Variants in RBFOX1 observed in about 807,000 individuals in gnomAD.
RBFOX1 encodes the protein RNA binding protein fox-1 homolog 1.
A neutral mutation model predicts 57.7 loss-of-function variants in RBFOX1; 8 were observed. That is an observed-to-expected ratio of 0.14 (90% CI 0.08 to 0.25). The LOEUF (loss-of-function observed/expected upper bound fraction) is 0.25. Ranked by LOEUF, RBFOX1 falls within the 10% of genes least tolerant of loss-of-function variation. The pLI is 1.00. For synonymous variants in RBFOX1, 326 were observed against 222.4 expected (o/e 1.47, Z -4.15); for missense variants, 611 against 548.5 (o/e 1.11, Z -1.14).
rs1292675874 is a variant in RBFOX1, at chr16:7,712,215, T to C, written c.*1470T>C. 1 of 152,636 alleles carries C rather than the reference T, an allele frequency of 6.6e-6. No homozygotes were observed. Among genetic ancestry groups the C allele is most frequent in the African/African-American group, 2.4e-5 (1 of 41,442 alleles). The allele number at this position is 152,636 out of a possible 1,614,324, so 9.5% of individuals were successfully genotyped here. A position where few individuals can be genotyped will look rare whatever the true frequency, so the allele number is the denominator to read the frequency against. On this transcript the variant is annotated 3_prime_UTR_variant, in exon 16 of 16. Coordinates refer to ENST00000550418, the MANE Select transcript of RBFOX1 (RefSeq NM_018723.4). ...GGTATCCGTCACGGGTCTTCCTGTTTTGTATTTAAATAAAAACAACAGCAG... is the reference window on the plus strand; with the variant it reads ...GGTATCCGTCACGGGTCTTCCTGTTCTGTATTTAAATAAAAACAACAGCAG...
At chr16:7,224,933 T>C (rs1357711474) in intron 4 of RBFOX1, among the ~76,000 whole-genome samples, 3 of 152,174 alleles carry the variant, frequency 2.0e-5, no homozygotes, top group African/African-American at 7.2e-5. Flanking sequence ...CTAGTCACAG[T>C]GATGAGGAGG....
intron 1 of RBFOX1, among the ~76,000 whole-genome samples, chr16:5,379,965 G>T (rs578250128): frequency 2.6e-5 from 4 of 152,340 alleles, no homozygotes; most frequent in African/African-American, 4.8e-5. Flanking sequence ...TCCCGGGCAG[G>T]TGCCCTTGTT....
At chr16:6,203,843 T>G (rs1381215619) in intron 1 of RBFOX1, among the ~76,000 whole-genome samples, 1 of 152,148 alleles carries the variant, frequency 6.6e-6, no homozygotes, top group Admixed American at 6.5e-5. Context: ...GCAGTCTCAC[T>G]TCTGGGTCTG....
At chr16:6,644,765 T>A (rs1399336700) in intron 2 of RBFOX1, among the ~76,000 whole-genome samples, 1 of 152,196 alleles carries the variant, frequency 6.6e-6, no homozygotes, top group African/African-American at 2.4e-5. Context: ...CAGCAGCCTG[T>A]GATTGCCCTG....
At chr16:5,379,950 A>C (rs545062228) in intron 1 of RBFOX1, among the ~76,000 whole-genome samples, 1 of 152,114 alleles carries the variant, frequency 6.6e-6, no homozygotes, top group Admixed American at 6.6e-5. Context: ...GCGTTGGAGG[A>C]ATCATCCCGG....
intron 5 of RBFOX1, among the ~76,000 whole-genome samples, chr16:7,519,209 C>T (rs2077018639): frequency 6.6e-6 from 1 of 152,158 alleles, no homozygotes; most frequent in South Asian, 2.1e-4. Flanking sequence ...TGCAGCCACT[C>T]CTCATTCATA....
chr16:6,147,920 C>A (rs1314662119), intron 1 of RBFOX1, among the ~76,000 whole-genome samples: 5 of 152,234 alleles, frequency 3.3e-5, no homozygotes, highest in African/African-American at 9.6e-5. Context: ...TATGACCTTG[C>A]CTTCAGTCCC....
At chr16:6,988,470 C>A (rs553149187) in intron 3 of RBFOX1, among the ~76,000 whole-genome samples, 2 of 151,980 alleles carry the variant, frequency 1.3e-5, no homozygotes, top group African/African-American at 4.8e-5. Context: ...AAGTCGATTG[C>A]CTGTTGTGAT....
At chr16:5,484,580 C>T (rs1368651422) in intron 2 of RBFOX1, among the ~76,000 whole-genome samples, 2 of 152,052 alleles carry the variant, frequency 1.3e-5, no homozygotes, top group East Asian at 3.9e-4. Context: ...GGCTTCAAGG[C>T]CAGCCTAGGC....
chr16:7,597,603 A>G (rs1219365322), intron 9 of RBFOX1, among the ~76,000 whole-genome samples, 172 bp downstream of exon 9: 2 of 152,186 alleles, frequency 1.3e-5, no homozygotes, highest in African/African-American at 4.8e-5. Context: ...TTTCACAACA[A>G]AGGCAAATGG....
In RBFOX1 at chr16:7,087,766, C is replaced by G. The variant is rs967507168; in HGVS notation, c.27+35668C>G. ...GGCAAGATTTTCTACCCACTGCTTTCAGTTTTTCTTCCAGATACTCTTGGT... is the reference window on the plus strand; with the variant it reads ...GGCAAGATTTTCTACCCACTGCTTTGAGTTTTTCTTCCAGATACTCTTGGT... On this transcript the variant is annotated intron_variant, in intron 4 of 15. Transcript: ENST00000550418. Among the ~76,000 whole-genome samples the G allele has an allele frequency of 2.6e-5, 4 of 152,174 alleles. No individual in the cohort carries two copies. The South Asian group carries it at 8.3e-4, about 32-fold the overall frequency.
chr16:6,339,605 A>C (rs1284849746), intron 2 of RBFOX1, among the ~76,000 whole-genome samples: 1 of 152,150 alleles, frequency 6.6e-6, no homozygotes, highest in African/African-American at 2.4e-5. Context: ...CAGCTGTTTC[A>C]CTGGAATGTT....
intron 4 of RBFOX1, among the ~76,000 whole-genome samples, chr16:5,968,016 A>G (rs1283896294): frequency 6.6e-6 from 1 of 152,116 alleles, no homozygotes; most frequent in Non-Finnish European, 1.5e-5. Context: ...TCTACAAATA[A>G]CCATCCTGAT....
At chr16:6,854,198 AGAG>A (rs2057371891) in intron 3 of RBFOX1, among the ~76,000 whole-genome samples, 2 of 152,156 alleles carry the variant, frequency 1.3e-5, no homozygotes, top group Non-Finnish European at 2.9e-5. Context: ...GGGTTTAGAC[AGAG>A]CTTGCATTCA....
At chr16:5,690,123 G>T (rs180911173) in intron 3 of RBFOX1, among the ~76,000 whole-genome samples, 14 of 152,188 alleles carry the variant, frequency 9.2e-5, no homozygotes, top group African/African-American at 3.4e-4. Context: ...TGGTTAAGAC[G>T]CCCCGGTTGG....
chr16:7,524,149 T>C (rs892401778), intron 5 of RBFOX1, among the ~76,000 whole-genome samples: 43 of 152,236 alleles, frequency 2.8e-4, no homozygotes, highest in Non-Finnish European at 8.8e-5. Flanking sequence ...CCATTATTTC[T>C]TTGAGAAACT....
intron 4 of RBFOX1, among the ~76,000 whole-genome samples, chr16:7,235,672 T>A (rs1299358017): frequency 6.6e-6 from 1 of 152,224 alleles, no homozygotes; most frequent in Non-Finnish European, 1.5e-5. Context: ...TGCCATGACA[T>A]CAAGAATATC....
intron 1 of RBFOX1, among the ~76,000 whole-genome samples, chr16:5,398,078 G>T (rs1183943529): frequency 6.6e-6 from 1 of 152,170 alleles, no homozygotes; most frequent in African/African-American, 2.4e-5. Context: ...GCTGTGAGAG[G>T]TTATAACTGA....
At chr16:6,626,452 C>T (rs1006673308) in intron 2 of RBFOX1, among the ~76,000 whole-genome samples, 1 of 152,100 alleles carries the variant, frequency 6.6e-6, no homozygotes, top group African/African-American at 2.4e-5. Flanking sequence ...TACACACACT[C>T]AACAGGGATT....
Sources: allele counts gnomAD v4.1 joint callset (sites outside exome capture counted in the v4.1 genomes callset), GRCh38; gene constraint gnomAD v4.1.1; transcripts MANE v1.5; gene names NCBI Gene and HGNC (gene_info 2026-07-23, HGNC 2026-07-21).